EPHX4: variants seen among roughly 807,000 people sequenced by gnomAD.
EPHX4 encodes epoxide hydrolase 4.
In EPHX4, 31 loss-of-function variants were observed where a neutral mutation model predicts 44.9. The ratio of observed to expected loss-of-function variants is 0.69; its 90% CI spans 0.52 to 0.93. EPHX4 has a LOEUF of 0.93. Ranked by LOEUF, EPHX4 falls within the 40% of genes least tolerant of loss-of-function variation. The pLI is 0.00. For synonymous variants in EPHX4, 151 were observed against 159.7 expected (o/e 0.95, Z 0.41); for missense variants, 373 against 438.1 (o/e 0.85, Z 1.33).
intron 2 of EPHX4, among the ~76,000 whole-genome samples, chr1:92,042,108 C>T (rs1027974338): frequency 9.2e-5 from 14 of 152,116 alleles, no homozygotes; most frequent in Non-Finnish European, 1.6e-4. Context: ...CACCTGTAAT[C>T]CTAGCACTTT....
intron 6 of EPHX4, among the ~76,000 whole-genome samples, chr1:92,059,288 T>C (rs1647438831): frequency 6.6e-6 from 1 of 151,998 alleles, no homozygotes; most frequent in African/African-American, 2.4e-5. Flanking sequence ...ATACAAAAAA[T>C]TAGCTGGTTG....
intron 6 of EPHX4, among the ~76,000 whole-genome samples, chr1:92,057,349 T>TA (rs934099729): frequency 4.0e-5 from 6 of 151,746 alleles, no homozygotes; most frequent in East Asian, 1.9e-4. Context: ...CAGAAAGCAG[T>TA]AAAAAAAATA....
chr1:92,055,400 T>A (rs1647338689), intron 6 of EPHX4, among the ~76,000 whole-genome samples: 1 of 152,146 alleles, frequency 6.6e-6, no homozygotes, highest in Non-Finnish European at 1.5e-5. Context: ...CTCTGTGGAA[T>A]CCAAAGGGAG....
At position 92,042,921 on chromosome 1, in the gene EPHX4, G is replaced by A. The variant is rs201582889; in HGVS notation, c.416G>A (p.Arg139Gln). 11 of 1,612,740 alleles carry A rather than the reference G, an allele frequency of 6.8e-6. No individual in the cohort carries two copies. Among genetic ancestry groups the A allele is most frequent in the South Asian group, 3.3e-5 (3 of 90,996 alleles). ...GGAGAAACAGATGCTCCCATTCATCGACAGAATTATAAATTGGATTGTCTA... is the reference window on the plus strand; with the variant it reads ...GGAGAAACAGATGCTCCCATTCATCAACAGAATTATAAATTGGATTGTCTA... ...GYGETDAPIH[R>Q]QNYKLDCLIT... is the part of the protein sequence containing the mutation. The change falls in exon 3 of 7, where the codon CGA becomes CAA. Residue 139 changes from arginine (R) to glutamine (Q), a missense_variant. Coordinates refer to ENST00000370383, the MANE Select transcript of EPHX4 (RefSeq NM_173567.5).
chr1:92,030,382 T>A, intron 1 of EPHX4, 72 bp downstream of exon 1: 1 of 1,354,442 alleles, frequency 7.4e-7, no homozygotes, highest in Non-Finnish European at 9.7e-7. Flanking sequence ...GCTCCGGGCT[T>A]CTCCTTCCGA....
At chr1:92,030,814 C>T (rs1688349232) in intron 1 of EPHX4, among the ~76,000 whole-genome samples, 1 of 152,186 alleles carries the variant, frequency 6.6e-6, no homozygotes, top group African/African-American at 2.4e-5. Context: ...ATTATGATCA[C>T]AGACGACTTA....
At chr1:92,046,091 T>C (rs7556607) in intron 4 of EPHX4, among the ~76,000 whole-genome samples, 49,311 of 152,056 alleles carry the variant, frequency 0.32, 10,210 homozygotes, top group African/African-American at 0.59. Flanking sequence ...AAAGACCCCA[T>C]TGAGCTTTTA....
chr1:92,058,552 A>T (rs1264976483), intron 6 of EPHX4, among the ~76,000 whole-genome samples: 1 of 152,188 alleles, frequency 6.6e-6, no homozygotes, highest in African/African-American at 2.4e-5. Context: ...ACGCACATTC[A>T]TGCAACGATT....
rs1250892815 is a variant in EPHX4, at chr1:92,050,760, A to T, written c.708+340A>T. ...AAAAAAAGCCCTAAACAAAGTAAAC[A>T]TTCAGATATTAGTGTCACACATACA... is the stretch of plus-strand genomic sequence containing the variant. On this transcript the variant is annotated intron_variant, in intron 5 of 6. Transcript: ENST00000370383. Among the ~76,000 whole-genome samples the T allele has an allele frequency of 2.6e-5, 4 of 152,200 alleles. No homozygotes were observed. In the East Asian group the frequency reaches 7.7e-4, roughly 29 times the overall value.
Position 92,063,466 on chromosome 1 carries a change from G to A in EPHX4, c.*180G>A, listed in dbSNP as rs1647546335. ...AGATCATGTGAACATATAATACAAT[G>A]TTGATTTTCTTCTGGTGTATTTTGC... is the stretch of plus-strand genomic sequence containing the variant. On this transcript the variant is annotated 3_prime_UTR_variant, in exon 7 of 7. Transcript: ENST00000370383. The A allele has an allele frequency of 4.1e-6, 2 of 489,166 alleles. No individual in the cohort carries two copies. Among genetic ancestry groups the A allele is most frequent in the South Asian group, 3.5e-5 (1 of 28,654 alleles). 30.3% of individuals were successfully genotyped at this position (489,166 alleles called of 1,614,324 possible). A position where few individuals can be genotyped will look rare whatever the true frequency, so the allele number is the denominator to read the frequency against.
intron 6 of EPHX4, among the ~76,000 whole-genome samples, chr1:92,060,758 C>T (rs1321845050): frequency 1.3e-5 from 2 of 152,048 alleles, no homozygotes; most frequent in South Asian, 2.1e-4. Flanking sequence ...TTTAAAACTC[C>T]CCTTACTTTA....
chr1:92,030,304 G>C lies in EPHX4; in HGVS notation c.225G>C (p.Arg75=). ...DPSLGTHCYV[R]IKDSGLRFHY... is the part of the protein sequence containing the mutation. ...CCTTGGGCACCCACTGCTACGTGCG[G>C]ATCAAGGTGAAGGGCCGCGCGGGCC... The change falls in exon 1 of 7, where the codon CGG becomes CGC. Residue 75 remains arginine (R), a synonymous_variant. Transcript: ENST00000370383. The C allele has an allele frequency of 6.4e-7, 1 of 1,564,284 alleles. No individual in the cohort carries two copies. The highest frequency in any genetic ancestry group is 8.6e-7 in the Non-Finnish European group (1 of 1,156,370).
At chr1:92,060,516 T>C (rs1300175812) in intron 6 of EPHX4, among the ~76,000 whole-genome samples, 1 of 152,004 alleles carries the variant, frequency 6.6e-6, no homozygotes, top group Non-Finnish European at 1.5e-5. Context: ...CCCAAATTAT[T>C]CTATAAACTT....
chr1:92,030,211 C>T lies in EPHX4; in HGVS notation c.132C>T (p.Gly44=), dbSNP rs753679342. 109 of 1,606,942 alleles carry T rather than the reference C, an allele frequency of 6.8e-5. No individual in the cohort carries two copies. The highest frequency in any genetic ancestry group is 9.3e-5 in the Non-Finnish European group (109 of 1,176,928). The part of the protein sequence containing the change: ...IHLLKLLWSL[G]KGPAQTFRRP... ...TGCTCAAACTTTTGTGGAGCCTCGGCAAGGGGCCGGCGCAGACCTTCCGGC... is the reference window on the plus strand; with the variant it reads ...TGCTCAAACTTTTGTGGAGCCTCGGTAAGGGGCCGGCGCAGACCTTCCGGC... The change falls in exon 1 of 7, where the codon GGC becomes GGT. Residue 44 remains glycine, a synonymous_variant. Transcript: ENST00000370383.
intron 6 of EPHX4, among the ~76,000 whole-genome samples, chr1:92,056,670 G>A (rs1463605145): frequency 6.1e-5 from 9 of 148,740 alleles, no homozygotes; most frequent in Admixed American, 1.3e-4. Context: ...TAATAGTGGT[G>A]AGGTGTCACT....
chr1:92,045,397 A>T (rs1220535103), intron 3 of EPHX4, 135 bp from the exon 4 acceptor site: 48 of 1,094,572 alleles, frequency 4.4e-5, no homozygotes, highest in Non-Finnish European at 6.2e-5. Context: ...CACTGAATTC[A>T]ATATCTGCAC....
intron 4 of EPHX4, among the ~76,000 whole-genome samples, chr1:92,046,725 G>T (rs1375339241): frequency 6.6e-6 from 1 of 152,190 alleles, no homozygotes; most frequent in African/African-American, 2.4e-5. Flanking sequence ...GCCTCCTAAA[G>T]TGCTGGGATT....
At chr1:92,031,206 A>C (rs1353543772) in intron 1 of EPHX4, among the ~76,000 whole-genome samples, 1 of 152,200 alleles carries the variant, frequency 6.6e-6, no homozygotes, top group Non-Finnish European at 1.5e-5. Flanking sequence ...ATTTATAAAA[A>C]CAAACACGAA....
intron 3 of EPHX4, 42 bp downstream of exon 3, chr1:92,043,022 A>T: frequency 6.9e-7 from 1 of 1,455,976 alleles, no homozygotes; most frequent in South Asian, 1.3e-5. Context: ...TAAGGGACAA[A>T]CATTCAACAA....
Sources: gnomAD v4.1 joint callset for allele counts (sites outside exome capture counted in the v4.1 genomes callset) on GRCh38, gnomAD v4.1.1 for gene constraint, MANE v1.5 for transcripts, NCBI Gene and HGNC (gene_info 2026-07-23, HGNC 2026-07-21) for gene names.